Variants in PCNX1 observed in about 807,000 individuals in gnomAD.
PCNX1 encodes pecanex 1.
A neutral mutation model predicts 242.2 loss-of-function variants in PCNX1; 78 were observed. The observed-to-expected ratio is 0.32, with a 90% CI of 0.27 to 0.39. The LOEUF (loss-of-function observed/expected upper bound fraction) is 0.39, where lower values mean the gene tolerates loss of function less well. Ranked by LOEUF, PCNX1 falls within the 10% of genes least tolerant of loss-of-function variation. PCNX1 has a pLI of 1.00. For synonymous variants in PCNX1, 1,024 were observed against 1,032.9 expected (o/e 0.99, Z 0.17); for missense variants, 2,581 against 2,856.5 (o/e 0.90, Z 2.20).
In PCNX1 at chr14:70,982,813, G is replaced by A. The variant is rs369599503; in HGVS notation, c.2311+4165G>A. On this transcript the variant is annotated intron_variant, in intron 6 of 35. Coordinates refer to ENST00000304743, the MANE Select transcript of PCNX1 (RefSeq NM_014982.3). ...AGCAGTGAAGTTCTGGGAATCCAACGGTTACATTTTCATACCACCTCTAAT... is the reference window on the plus strand; with the variant it reads ...AGCAGTGAAGTTCTGGGAATCCAACAGTTACATTTTCATACCACCTCTAAT... Among the ~76,000 whole-genome samples the A allele has an allele frequency of 5.3e-4, 80 of 152,172 alleles. 1 individual carries two copies. The South Asian group carries it at 0.015, about 29-fold the overall frequency.
intron 32 of PCNX1, 99 bp from the exon 33 acceptor site, chr14:71,105,135 AT>A: frequency 1.2e-6 from 1 of 836,256 alleles, no homozygotes. Flanking sequence ...AAAGGTGAAC[AT>A]TAGTAGCATT....
At chr14:71,013,689 G>A (rs1216222702) in intron 11 of PCNX1, among the ~76,000 whole-genome samples, 6 of 152,118 alleles carry the variant, frequency 3.9e-5, no homozygotes, top group Non-Finnish European at 8.8e-5. Flanking sequence ...CAAAGTACGT[G>A]AAACAGTGGT....
chr14:70,910,042 C>G (rs1594861662), intron 1 of PCNX1, among the ~76,000 whole-genome samples: 15 of 88,464 alleles, frequency 1.7e-4, no homozygotes, highest in Middle Eastern at 5.4e-3. Flanking sequence ...CCTCCTCCTC[C>G]TCCTCCTCCT....
intron 1 of PCNX1, among the ~76,000 whole-genome samples, chr14:70,940,875 T>C (rs2057211921): frequency 6.6e-6 from 1 of 152,160 alleles, no homozygotes; most frequent in Non-Finnish European, 1.5e-5. Context: ...ATTTCATTCA[T>C]TTGATCAATC....
At chr14:70,974,036 A>T (rs2058618513) in intron 5 of PCNX1, among the ~76,000 whole-genome samples, 1 of 150,630 alleles carries the variant, frequency 6.6e-6, no homozygotes, top group African/African-American at 2.4e-5. Flanking sequence ...CCTATTCTGG[A>T]CATTTCATAT....
intron 19 of PCNX1, among the ~76,000 whole-genome samples, chr14:71,043,543 GGTTT>G (rs976883338): frequency 2.1e-5 from 3 of 141,218 alleles, no homozygotes; most frequent in East Asian, 2.3e-4. Context: ...TTGGTTGGTT[GGTTT>G]GTTTTTTTAA....
At chr14:71,010,143 AAAG>A (rs2059782663) in intron 9 of PCNX1, among the ~76,000 whole-genome samples, 1 of 152,132 alleles carries the variant, frequency 6.6e-6, no homozygotes, top group Admixed American at 6.5e-5. Flanking sequence ...GCTATGGAAA[AAAG>A]AAAGTATTGT....
intron 1 of PCNX1, among the ~76,000 whole-genome samples, chr14:70,939,174 C>A (rs1175198394): frequency 6.6e-6 from 1 of 152,132 alleles, no homozygotes; most frequent in African/African-American, 2.4e-5. Flanking sequence ...CTTCTGCTAG[C>A]TTTTGAATGT....
chr14:71,098,577 A>T (rs1451755604), intron 30 of PCNX1, among the ~76,000 whole-genome samples: 2 of 147,090 alleles, frequency 1.4e-5, no homozygotes, highest in Non-Finnish European at 3.0e-5. Flanking sequence ...AGAACATTGT[A>T]GATGGGATTG....
chr14:70,978,088 G>A lies in PCNX1; in HGVS notation c.1751G>A (p.Arg584Gln), dbSNP rs751137974. 2.7e-5 allele frequency: 43 copies of A among 1,614,048 alleles called. No homozygotes were observed. In the East Asian group the frequency reaches 4.5e-4, roughly 17 times the overall value. Residue 584 changes from arginine (R) to glutamine (Q), a missense_variant, in exon 6 of 36, where the codon CGA becomes CAA. This residue lies in a region of PCNX1 where 1,204 missense variants were observed against 1,216.7 expected (regional missense o/e 0.99). Transcript: ENST00000304743. ...CGGCATAGGGACTATGTTTGCTTTC[G>A]AGGTGTTTCTGGTACCAAGCCACAC... ...SSRHRDYVCF[R>Q]GVSGTKPHSA...
intron 22 of PCNX1, 141 bp from the exon 23 acceptor site, chr14:71,050,511 A>T: frequency 1.5e-6 from 1 of 648,710 alleles, no homozygotes; most frequent in Non-Finnish European, 2.5e-6. Context: ...TTTTCCTGTT[A>T]TGTAAATGGC....
chr14:71,026,048 A>T, intron 13 of PCNX1, 69 bp from the exon 14 acceptor site: 1 of 928,996 alleles, frequency 1.1e-6, no homozygotes, highest in Non-Finnish European at 1.6e-6. Context: ...TAAAGCCATC[A>T]GTGATACCAG....
At chr14:71,014,312 A>G (rs1197608911) in intron 11 of PCNX1, among the ~76,000 whole-genome samples, 1 of 152,212 alleles carries the variant, frequency 6.6e-6, no homozygotes, top group Non-Finnish European at 1.5e-5. Flanking sequence ...ATGGAAATCC[A>G]GAAATACCCA....
At chr14:70,972,621 T>G (rs1344987806) in intron 5 of PCNX1, among the ~76,000 whole-genome samples, 3 of 152,044 alleles carry the variant, frequency 2.0e-5, no homozygotes, top group Admixed American at 6.6e-5. Context: ...ACTCCTCTGG[T>G]TTGGATTTAC....
At chr14:71,031,269 C>G (rs2060375549) in intron 16 of PCNX1, among the ~76,000 whole-genome samples, 1 of 152,226 alleles carries the variant, frequency 6.6e-6, no homozygotes, top group Non-Finnish European at 1.5e-5. Flanking sequence ...CCTGACTCAT[C>G]TACATTCTTA....
intron 5 of PCNX1, among the ~76,000 whole-genome samples, chr14:70,972,909 G>A (rs1375380856): frequency 6.6e-6 from 1 of 152,072 alleles, no homozygotes; most frequent in Non-Finnish European, 1.5e-5. Flanking sequence ...GTTTGTCATG[G>A]GGATAGAAAA....
intron 11 of PCNX1, among the ~76,000 whole-genome samples, chr14:71,014,943 T>C (rs2140630383): frequency 6.6e-6 from 1 of 152,184 alleles, no homozygotes; most frequent in Non-Finnish European, 1.5e-5. Context: ...AAACCAGTGA[T>C]AAAATTGTTA....
At chr14:70,972,772 A>G (rs1228136836) in intron 5 of PCNX1, among the ~76,000 whole-genome samples, 1 of 152,148 alleles carries the variant, frequency 6.6e-6, no homozygotes, top group Non-Finnish European at 1.5e-5. Flanking sequence ...TTCTAAGATA[A>G]TCTACAGTTT....
chr14:70,986,403 C>T (rs1198402248), intron 6 of PCNX1, among the ~76,000 whole-genome samples: 3 of 152,108 alleles, frequency 2.0e-5, no homozygotes, highest in Non-Finnish European at 4.4e-5. Flanking sequence ...TCATAATATG[C>T]AGCTATTTTG....
Sources: allele counts gnomAD v4.1 joint callset (sites outside exome capture counted in the v4.1 genomes callset), GRCh38; gene constraint gnomAD v4.1.1; regional missense constraint gnomAD v4.1.1; transcripts MANE v1.5; gene names NCBI Gene and HGNC (gene_info 2026-07-23, HGNC 2026-07-21).